Variants in NUP155 observed in about 807,000 individuals in gnomAD.
The protein encoded by NUP155 is nucleoporin 155.
In NUP155, 71 loss-of-function variants were observed where a neutral mutation model predicts 180.4. That is an observed-to-expected ratio of 0.39 (90% CI 0.33 to 0.48). The LOEUF (loss-of-function observed/expected upper bound fraction) is 0.48, where lower values mean the gene tolerates loss of function less well. NUP155 is among the 20% of genes least tolerant of loss of function. The pLI is 0.91. For synonymous variants in NUP155, 582 were observed against 559.5 expected, an observed-to-expected ratio of 1.04 and a Z score of -0.57; for missense variants, 1,553 against 1,648.9, an observed-to-expected ratio of 0.94 and a Z score of 1.01.
At chr5:37,296,312 T>C (rs1443082738) in intron 32 of NUP155, among the ~76,000 whole-genome samples, 2 of 152,018 alleles carry the variant, frequency 1.3e-5, no homozygotes, top group African/African-American at 4.8e-5. Context: ...ATGGGAGACT[T>C]TTCATTTTGT....
chr5:37,308,700 AAAAAAAAT>A (rs548516103), intron 24 of NUP155, among the ~76,000 whole-genome samples: 38 of 150,454 alleles, frequency 2.5e-4, no homozygotes, highest in African/African-American at 6.1e-4. Flanking sequence ...GTCTCAAAAT[AAAAAAAAT>A]AAAAAAATAA....
intron 14 of NUP155, 110 bp from the exon 15 acceptor site, chr5:37,330,242 A>G (rs983644233): frequency 1.7e-5 from 13 of 752,566 alleles, no homozygotes; most frequent in East Asian, 5.5e-5. Context: ...CAGGCATTCA[A>G]TAAATACTTG....
At chr5:37,349,753 A>T (rs539880467) in intron 7 of NUP155, among the ~76,000 whole-genome samples, 2 of 152,274 alleles carry the variant, frequency 1.3e-5, no homozygotes, top group South Asian at 4.1e-4. Flanking sequence ...TTGCCAAAGC[A>T]TTTTAAAAAT....
At position 37,363,219 on chromosome 5, in the gene NUP155, A is replaced by C. The variant is rs1474928444; in HGVS notation, c.392+669T>G. Among the ~76,000 whole-genome samples, 3 of 152,290 alleles carry C rather than the reference A, an allele frequency of 2.0e-5. No individual in the cohort carries two copies. In the East Asian group the frequency reaches 5.8e-4, roughly 29 times the overall value. The stretch of plus-strand genomic sequence containing the variant: ...TTGAGTCAGCGTGCTCGGCCGATAC[A>C]GTGTCTTTTTAATGCACGTGTGTTC... On this transcript the variant is annotated intron_variant, in intron 3 of 34. Transcript: ENST00000231498.
At chr5:37,338,627 G>T (rs1400844511) in intron 11 of NUP155, among the ~76,000 whole-genome samples, 1 of 151,924 alleles carries the variant, frequency 6.6e-6, no homozygotes, top group East Asian at 1.9e-4. Context: ...GGATGGTCTC[G>T]ATCTCCTGAC....
In NUP155 at chr5:37,326,027, T is replaced by C. The variant is rs187160015; in HGVS notation, c.2025-60A>G. 157 of 1,196,044 alleles carry C rather than the reference T, an allele frequency of 1.3e-4. 1 individual carries two copies. In the East Asian group the frequency reaches 3.3e-3, roughly 25 times the overall value. 74.1% of individuals were successfully genotyped at this position (1,196,044 alleles called of 1,614,324 possible). ...AATGAATAAAAACAATTACAATAAA[T>C]TTCTTTCTCTAGGAACTTAATGGCT... On this transcript the variant is annotated intron_variant, in intron 18 of 34. Transcript: ENST00000231498.
At position 37,327,787 on chromosome 5, in the gene NUP155, C is replaced by T; in HGVS notation, c.1877-11G>A. The T allele has an allele frequency of 6.2e-7, 1 of 1,613,824 alleles. No individual in the cohort carries two copies. The highest frequency in any genetic ancestry group is 8.5e-7 in the Non-Finnish European group (1 of 1,179,770). ...CAGGAGGCTGTATACCTTGTACACA[C>T]ATAAGAAAAACAAATCTCTTAATCT... On this transcript the variant is annotated splice_polypyrimidine_tract_variant and intron_variant, in intron 17 of 34. Coordinates refer to ENST00000231498, the MANE Select transcript of NUP155 (RefSeq NM_153485.3).
intron 29 of NUP155, among the ~76,000 whole-genome samples, chr5:37,301,905 A>G (rs2150941918): frequency 6.6e-6 from 1 of 152,300 alleles, no homozygotes; most frequent in South Asian, 2.1e-4. Flanking sequence ...TATAGTTTTT[A>G]AGACAGTGAA....
intron 20 of NUP155, among the ~76,000 whole-genome samples, chr5:37,321,641 C>G (rs897910099): frequency 1.2e-4 from 17 of 146,798 alleles, no homozygotes; most frequent in Middle Eastern, 3.9e-3. Context: ...TGCTTGAGCC[C>G]AGGAGGCAGA....
intron 21 of NUP155, among the ~76,000 whole-genome samples, chr5:37,317,206 G>C (rs1345218851): frequency 6.7e-6 from 1 of 150,356 alleles, no homozygotes; most frequent in Non-Finnish European, 1.5e-5. Flanking sequence ...AGTAAAAATG[G>C]GGCTGGGCAC....
chr5:37,347,739 C>T (rs1232431324), intron 9 of NUP155, among the ~76,000 whole-genome samples: 1 of 150,886 alleles, frequency 6.6e-6, no homozygotes, highest in African/African-American at 2.4e-5. Flanking sequence ...CGGTGGCTCA[C>T]GCCTATAATC....
intron 9 of NUP155, among the ~76,000 whole-genome samples, chr5:37,346,956 AGTGGCTCATGCCT>A (rs1159942542): frequency 6.6e-6 from 1 of 152,154 alleles, no homozygotes; most frequent in African/African-American, 2.4e-5. Context: ...GGCCGGGTGC[AGTGGCTCATGCCT>A]GTAACCCCAG....
Position 37,305,000 on chromosome 5 carries a change from C to T in NUP155, c.3057+57G>A. 3 of 1,586,044 alleles carry T rather than the reference C, an allele frequency of 1.9e-6. No homozygotes were observed. In the South Asian group the frequency reaches 3.3e-5, roughly 18 times the overall value. ...CCCCAAGATGACTGTGCTACCATTA[C>T]CATGGAGAACTTCTAAACAGTGTAT... On this transcript the variant is annotated intron_variant, in intron 26 of 34. Coordinates refer to ENST00000231498, the MANE Select transcript of NUP155 (RefSeq NM_153485.3).
chr5:37,310,860 C>A (rs189642967), intron 22 of NUP155, 117 bp from the exon 23 acceptor site: 2 of 827,678 alleles, frequency 2.4e-6, no homozygotes, highest in African/African-American at 1.7e-5. Context: ...AATTGAAAAG[C>A]GAAAATATAC....
chr5:37,324,976 A>C (rs1744493051), intron 19 of NUP155, among the ~76,000 whole-genome samples: 1 of 152,132 alleles, frequency 6.6e-6, no homozygotes, highest in Non-Finnish European at 1.5e-5. Context: ...ATAGTAAAAC[A>C]CTGTTTCTAC....
chr5:37,335,902 T>C (rs1002089663), intron 12 of NUP155, among the ~76,000 whole-genome samples: 5 of 152,078 alleles, frequency 3.3e-5, no homozygotes, highest in Admixed American at 1.3e-4. Context: ...TGGGAGGCAG[T>C]TGCAGTGAGC....
intron 4 of NUP155, among the ~76,000 whole-genome samples, chr5:37,355,459 A>C (rs1017789544): frequency 6.6e-6 from 1 of 151,776 alleles, no homozygotes; most frequent in Admixed American, 6.6e-5. Flanking sequence ...AGTGAGCACC[A>C]AGGTGACTCC....
At chr5:37,294,552 G>A in intron 32 of NUP155, 87 bp from the exon 33 acceptor site, 1 of 1,325,268 alleles carries the variant, frequency 7.5e-7, no homozygotes, top group Non-Finnish European at 1.1e-6. Flanking sequence ...ATAGTTTCTA[G>A]GGGGATATCT....
intron 3 of NUP155, 104 bp from the exon 4 acceptor site, chr5:37,358,255 G>T: frequency 1.2e-6 from 1 of 802,778 alleles, no homozygotes; most frequent in South Asian, 1.3e-5. Context: ...GAGGCAGGAG[G>T]ACTGCCTGAG....
Sources: allele counts gnomAD v4.1 joint callset (sites outside exome capture counted in the v4.1 genomes callset), GRCh38; gene constraint gnomAD v4.1.1; transcripts MANE v1.5; gene names NCBI Gene and HGNC (gene_info 2026-07-23, HGNC 2026-07-21).